HOXC4: variants seen among roughly 807,000 people sequenced by gnomAD.
The protein encoded by HOXC4 is homeobox protein Hox-C4.
HOXC4 carries 15 observed loss-of-function variants against 25.5 expected under a neutral mutation model. The ratio of observed to expected loss-of-function variants is 0.59; its 90% confidence interval spans 0.39 to 0.91. The LOEUF is 0.91. HOXC4 is among the 40% of genes least tolerant of loss of function. HOXC4 has a pLI of 0.00. For missense variants in HOXC4, 342 were observed against 352.4 expected (o/e 0.97, Z 0.24); for synonymous variants, 165 against 148.0 (o/e 1.11, Z -0.83).
chr12:54,025,949 C>A (rs1384856675), intron 1 of HOXC4, among the ~76,000 whole-genome samples: 4 of 152,090 alleles, frequency 2.6e-5, no homozygotes, highest in African/African-American at 9.7e-5. Context: ...CTCCCCCACC[C>A]AGACATAAAA....
intron 1 of HOXC4, chr12:54,021,581 C>G (rs1940440832): frequency 6.6e-6 from 1 of 152,268 alleles, no homozygotes; most frequent in Non-Finnish European, 1.5e-5. Context: ...GCTACTCTCT[C>G]TAGGTGATCG....
chr12:54,019,256 C>A (rs1012616892), intron 1 of HOXC4, among the ~76,000 whole-genome samples: 2 of 131,708 alleles, frequency 1.5e-5, no homozygotes, highest in African/African-American at 5.7e-5. Context: ...TGTTTACGAT[C>A]GAGAAAAGCG....
At chr12:54,046,132 A>T (rs1210050052) in intron 1 of HOXC4, among the ~76,000 whole-genome samples, 1 of 151,866 alleles carries the variant, frequency 6.6e-6, no homozygotes, top group Non-Finnish European at 1.5e-5. Context: ...TGCCAGGGTT[A>T]CTGCACAACC....
At chr12:54,045,176 ATCT>A (rs1475883778) in intron 1 of HOXC4, among the ~76,000 whole-genome samples, 1 of 152,252 alleles carries the variant, frequency 6.6e-6, no homozygotes, top group Non-Finnish European at 1.5e-5. Context: ...CATGCAAATA[ATCT>A]TCACAGAGAG....
At chr12:54,022,037 C>T (rs994875000) in intron 1 of HOXC4, 1 of 152,190 alleles carries the variant, frequency 6.6e-6, no homozygotes, top group Non-Finnish European at 1.5e-5. Flanking sequence ...CACCATAAAC[C>T]TCTGGGTGTC....
chr12:54,042,033 C>T (rs1243905461), intron 1 of HOXC4, among the ~76,000 whole-genome samples: 3 of 142,020 alleles, frequency 2.1e-5, no homozygotes, highest in Non-Finnish European at 4.5e-5. Flanking sequence ...GGCTATAGTG[C>T]AATGGCAGGA....
chr12:54,033,995 G>A (rs568846751), intron 1 of HOXC4: 1 of 644,120 alleles, frequency 1.6e-6, no homozygotes, highest in East Asian at 3.2e-5. Context: ...GATCTCGAGG[G>A]TGCTTATTGT....
chr12:54,047,977 G>GA (rs1937756183), intron 1 of HOXC4: 1 of 152,168 alleles, frequency 6.6e-6, no homozygotes, highest in Non-Finnish European at 1.5e-5. Context: ...GGGATGGAGG[G>GA]AGGTGACACC....
chr12:54,033,853 G>A (rs1000396997), intron 1 of HOXC4: 1 of 519,034 alleles, frequency 1.9e-6, no homozygotes, highest in South Asian at 2.1e-5. Context: ...GGTGAGGAGC[G>A]CGGGGCTCCA....
At chr12:54,033,363 G>A in intron 1 of HOXC4, 3 of 1,612,632 alleles carry the variant, frequency 1.9e-6, no homozygotes, top group Non-Finnish European at 2.5e-6. Context: ...CGCCGCGGCC[G>A]CTCCGGGACA....
intron 1 of HOXC4, chr12:54,034,720 C>T (rs58994757): frequency 0.015 from 7,837 of 538,432 alleles, 484 homozygotes; most frequent in African/African-American, 0.13. Flanking sequence ...CGGCTCAGCT[C>T]GGTACCCGGG....
intron 1 of HOXC4, among the ~76,000 whole-genome samples, chr12:54,025,533 G>GT (rs1565738753): frequency 2.1e-5 from 1 of 48,424 alleles, no homozygotes; most frequent in African/African-American, 6.9e-5. Flanking sequence ...TAATTGGGGG[G>GT]GGGGGAGGTG....
At chr12:54,044,643 G>A (rs1018236213) in intron 1 of HOXC4, among the ~76,000 whole-genome samples, 3 of 152,166 alleles carry the variant, frequency 2.0e-5, no homozygotes, top group Non-Finnish European at 2.9e-5. Flanking sequence ...ATCGTGTACC[G>A]CATGAATGGA....
intron 1 of HOXC4, among the ~76,000 whole-genome samples, chr12:54,040,604 A>G (rs573382310): frequency 1.5e-4 from 23 of 152,314 alleles, no homozygotes; most frequent in Non-Finnish European, 3.2e-4. Flanking sequence ...GATTATTCCC[A>G]CGTTCGCCAG....
At chr12:54,028,507 G>A (rs1272518896) in intron 1 of HOXC4, 14 of 1,611,488 alleles carry the variant, frequency 8.7e-6, no homozygotes, top group Non-Finnish European at 1.2e-5. Flanking sequence ...AGACCGACCA[G>A]GTAAAGGCAA....
chr12:54,054,009 C>T lies in HOXC4; in HGVS notation c.87C>T (p.Ile29=), dbSNP rs1937907976. 6.2e-7 allele frequency: 1 copy of T among 1,614,080 alleles called. No individual in the cohort carries two copies. Among genetic ancestry groups the T allele is most frequent in the Admixed American group, 1.7e-5 (1 of 60,006 alleles). ...AAGAATATTCGCAAAATAGCTACATCCCTGAACACAGTCCGGAATATTACG... is the reference window on the plus strand; with the variant it reads ...AAGAATATTCGCAAAATAGCTACATTCCTGAACACAGTCCGGAATATTACG... ...PCEEYSQNSY[I]PEHSPEYYGR... Residue 29 remains isoleucine, a synonymous_variant, in exon 1 of 2, where the codon ATC becomes ATT. Transcript: ENST00000430889.
At chr12:54,049,891 C>T (rs1268987056), upstream of HOXC4, among the ~76,000 whole-genome samples, 1 of 151,952 alleles carries the variant, frequency 6.6e-6, no homozygotes, top group Non-Finnish European at 1.5e-5. Flanking sequence ...TGCCTGATTG[C>T]ATACCATCTA....
At chr12:54,033,497 A>AGGGCAGCCCGCCGGACTGAGCC (rs1565745531) in intron 1 of HOXC4, 1 of 1,591,438 alleles carries the variant, frequency 6.3e-7, no homozygotes, top group East Asian at 2.3e-5. Context: ...AGGCGCAGAC[A>AGGGCAGCCCGCCGGACTGAGCC]GGGCAGCCCG....
chr12:54,023,768 C>T (rs1183958311), intron 1 of HOXC4, among the ~76,000 whole-genome samples: 7 of 152,100 alleles, frequency 4.6e-5, no homozygotes, highest in Non-Finnish European at 1.0e-4. Context: ...AGGAGTGTAC[C>T]TTTTTGGAAT....
Sources: allele counts gnomAD v4.1 joint callset (sites outside exome capture counted in the v4.1 genomes callset), GRCh38; gene constraint gnomAD v4.1.1; transcripts MANE v1.5; gene names NCBI Gene and HGNC (gene_info 2026-07-23, HGNC 2026-07-21).